Variants in SEZ6L observed in about 807,000 individuals in gnomAD.
SEZ6L encodes seizure 6-like protein.
Under a neutral mutation model 106.2 loss-of-function variants are expected in SEZ6L, and 37 were observed. That is an observed-to-expected ratio of 0.35 (90% CI 0.27 to 0.46). The LOEUF is 0.46. SEZ6L is among the 20% of genes least tolerant of loss of function. The pLI, the probability that SEZ6L is intolerant of heterozygous loss-of-function variation, is 1.00. For synonymous variants in SEZ6L, 541 were observed against 570.4 expected, an observed-to-expected ratio of 0.95 and a Z score of 0.73; for missense variants, 1,172 against 1,332.8, an observed-to-expected ratio of 0.88 and a Z score of 1.88.
chr22:26,292,599 C>G lies in SEZ6L; in HGVS notation c.288C>G (p.Ile96Met). 1 of 1,613,612 alleles carries G rather than the reference C, an allele frequency of 6.2e-7. No individual in the cohort carries two copies. The highest frequency in any genetic ancestry group is 8.5e-7 in the Non-Finnish European group (1 of 1,179,828). Residue 96 changes from isoleucine (I) to methionine (M), a missense_variant, in exon 2 of 17, where the codon ATC (isoleucine) becomes ATG (methionine). Around this residue, in one of 4 missense-constraint regions of SEZ6L, gnomAD observed 494 missense variants for 445.8 expected, o/e 1.11. Coordinates refer to ENST00000248933, the MANE Select transcript of SEZ6L (RefSeq NM_021115.5). ...DGTAPSAHHD[I>M]PALSPLLPEE... ...CCGCACCCTCTGCACATCACGACATCCCAGCCCTGTCACCGCTGCTTCCAG... is the reference window on the plus strand; with the variant it reads ...CCGCACCCTCTGCACATCACGACATGCCAGCCCTGTCACCGCTGCTTCCAG...
At chr22:26,178,008 C>T (rs565558385) in intron 1 of SEZ6L, among the ~76,000 whole-genome samples, 7 of 152,318 alleles carry the variant, frequency 4.6e-5, no homozygotes, top group African/African-American at 1.7e-4. Flanking sequence ...CTTCCACCTA[C>T]TTTCAAGAAA....
At position 26,377,677 on chromosome 22, in the gene SEZ6L, C is replaced by T. The variant is rs763804039; in HGVS notation, c.2947C>T (p.Arg983Cys). The T allele has an allele frequency of 7.4e-6, 12 of 1,611,946 alleles. No individual in the cohort carries two copies. Among genetic ancestry groups the T allele is most frequent in the Non-Finnish European group, 9.3e-6 (11 of 1,178,182 alleles). The part of the protein sequence containing the change: ...GGAYIYITRC[R>C]YYSNLRLPLM... ...TCTCTCCTTTCTTTCCCCCAGATGT[C>T]GCTACTATTCCAACCTCCGCCTGCC... The change falls in exon 16 of 17, where the codon CGC becomes TGC. Residue 983 changes from arginine (R) to cysteine (C), a missense_variant. Transcript: ENST00000248933.
rs548340295 is a variant in SEZ6L at position 26,289,522 on chromosome 22, C to T, written c.95-2884C>T. On this transcript the variant is annotated intron_variant, in intron 1 of 16. Coordinates refer to ENST00000248933, the MANE Select transcript of SEZ6L (RefSeq NM_021115.5). ...ACCCTAACTCTGAAGCTTCACTACT[C>T]CCCACCTTGGACTAGGAAATCTGCC... 1.4e-3 allele frequency among the ~76,000 whole-genome samples: 211 copies of T among 152,298 alleles called. 1 individual carries two copies. The highest frequency in any genetic ancestry group is 2.0e-3 in the Non-Finnish European group (138 of 68,032).
At chr22:26,216,624 C>G (rs1288761017) in intron 1 of SEZ6L, among the ~76,000 whole-genome samples, 2 of 151,820 alleles carry the variant, frequency 1.3e-5, no homozygotes, top group African/African-American at 4.8e-5. Context: ...CCATTGCACT[C>G]CAGCCTTGGT....
intron 9 of SEZ6L, among the ~76,000 whole-genome samples, chr22:26,324,099 C>CACACACACACAA (rs2082236195): frequency 6.8e-6 from 1 of 146,756 alleles, no homozygotes; most frequent in African/African-American, 2.5e-5. Flanking sequence ...CACACACACA[C>CACACACACACAA]ACAAACACAC....
chr22:26,354,896 C>T (rs751335452), intron 12 of SEZ6L, among the ~76,000 whole-genome samples: 2 of 152,170 alleles, frequency 1.3e-5, no homozygotes, highest in Non-Finnish European at 2.9e-5. Flanking sequence ...AGGAGACACG[C>T]GGTACTCCCA....
intron 13 of SEZ6L, among the ~76,000 whole-genome samples, chr22:26,372,218 C>T (rs1204028501): frequency 1.3e-5 from 2 of 152,192 alleles, no homozygotes; most frequent in African/African-American, 4.8e-5. Flanking sequence ...CTGAGAATAC[C>T]GCTCTGACAA....
rs957798272 is a variant in SEZ6L, at chr22:26,283,787, G to C, written c.95-8619G>C. Reference sequence around the variant, plus strand: ...CATTCAGGGCAGTAGTTCATTCCAGGGGGTGGAGAAGGAGATGGAGAATAT... The same window carrying C: ...CATTCAGGGCAGTAGTTCATTCCAGCGGGTGGAGAAGGAGATGGAGAATAT... On this transcript the variant is annotated intron_variant, in intron 1 of 16. Transcript: ENST00000248933. Among the ~76,000 whole-genome samples, 6 of 152,244 alleles carry C rather than the reference G, an allele frequency of 3.9e-5. 1 individual carries two copies. The East Asian group carries it at 1.2e-3, about 29-fold the overall frequency.
At chr22:26,248,385 C>T (rs2079439872) in intron 1 of SEZ6L, among the ~76,000 whole-genome samples, 2 of 152,290 alleles carry the variant, frequency 1.3e-5, no homozygotes, top group South Asian at 4.2e-4. Context: ...GACAGGGTCT[C>T]ACTCTTTTGC....
At chr22:26,291,908 G>A (rs1379502727) in intron 1 of SEZ6L, among the ~76,000 whole-genome samples, 2 of 151,804 alleles carry the variant, frequency 1.3e-5, no homozygotes, top group South Asian at 2.1e-4. Flanking sequence ...TGAGGCCCCT[G>A]TGCTTTTTGT....
At chr22:26,316,101 C>A (rs1035017105) in intron 9 of SEZ6L, among the ~76,000 whole-genome samples, 2 of 152,074 alleles carry the variant, frequency 1.3e-5, no homozygotes, top group South Asian at 4.2e-4. Context: ...CATCCTCTTC[C>A]CCCCATTCCT....
rs542107633 is a variant in SEZ6L at position 26,261,421 on chromosome 22, T to C, written c.95-30985T>C. 6.6e-5 allele frequency among the ~76,000 whole-genome samples: 10 copies of C among 152,358 alleles called. No homozygotes were observed. The East Asian group carries it at 1.7e-3, about 26-fold the overall frequency. ...GTTGATTTTTGTATAAGGTGACTGA[T>C]GAGGATCCAGTTTCATTCTCCTACA... On this transcript the variant is annotated intron_variant, in intron 1 of 16. Transcript: ENST00000248933.
intron 12 of SEZ6L, among the ~76,000 whole-genome samples, chr22:26,364,020 C>T (rs940930691): frequency 1.8e-4 from 27 of 152,138 alleles, no homozygotes; most frequent in African/African-American, 2.9e-4. Context: ...AGTTGTTTAA[C>T]GCATATAGAG....
chr22:26,260,826 G>T (rs1331397887), intron 1 of SEZ6L, among the ~76,000 whole-genome samples: 1 of 152,148 alleles, frequency 6.6e-6, no homozygotes, highest in Non-Finnish European at 1.5e-5. Context: ...CATAGTGGTT[G>T]TACTAGTTTA....
intron 1 of SEZ6L, among the ~76,000 whole-genome samples, chr22:26,238,070 G>C (rs546965983): frequency 6.6e-6 from 1 of 152,310 alleles, no homozygotes; most frequent in East Asian, 1.9e-4. Context: ...ACATCTTACT[G>C]ATATCCCAGG....
chr22:26,233,883 C>G (rs1168504706), intron 1 of SEZ6L, among the ~76,000 whole-genome samples: 1 of 152,006 alleles, frequency 6.6e-6, no homozygotes, highest in African/African-American at 2.4e-5. Context: ...TGAAGAGGAG[C>G]CAGCCAGGTG....
At chr22:26,372,600 C>A (rs1210607474) in intron 13 of SEZ6L, among the ~76,000 whole-genome samples, 4 of 152,270 alleles carry the variant, frequency 2.6e-5, no homozygotes, top group Non-Finnish European at 4.4e-5. Context: ...TCCCTCCTAT[C>A]CCCTAATGCT....
chr22:26,337,258 T>C (rs2082674670), intron 9 of SEZ6L, among the ~76,000 whole-genome samples: 1 of 152,214 alleles, frequency 6.6e-6, no homozygotes, highest in African/African-American at 2.4e-5. Context: ...CTCCATCCTA[T>C]TTTATGGAGA....
chr22:26,186,883 C>T (rs1437802146), intron 1 of SEZ6L, among the ~76,000 whole-genome samples: 1 of 151,796 alleles, frequency 6.6e-6, no homozygotes, highest in Non-Finnish European at 1.5e-5. Flanking sequence ...CTTAGGAGCA[C>T]GGGAGGGGAT....
Sources: gnomAD v4.1 joint callset for allele counts (sites outside exome capture counted in the v4.1 genomes callset) on GRCh38, gnomAD v4.1.1 for gene constraint, gnomAD v4.1.1 regional missense constraint, MANE v1.5 for transcripts, NCBI Gene and HGNC (gene_info 2026-07-23, HGNC 2026-07-21) for gene names.